Variants in HPSE2 observed in about 807,000 individuals in gnomAD.
HPSE2 encodes the protein heparanase 2 (inactive).
Under a neutral mutation model 60.5 loss-of-function variants are expected in HPSE2, and 38 were observed. The ratio of observed to expected loss-of-function variants is 0.63; its 90% CI spans 0.48 to 0.82. The LOEUF is 0.82. HPSE2 is among the 40% of genes least tolerant of loss of function. The probability of loss-of-function intolerance (pLI) is 0.00; values close to 1 mark genes in which losing one functional copy is unlikely to be tolerated. For synonymous variants in HPSE2, 295 were observed against 293.2 expected (o/e 1.01, Z -0.06); for missense variants, 713 against 740.4 (o/e 0.96, Z 0.43).
At chr10:98,483,709 T>C (rs1941334590) in intron 10 of HPSE2, among the ~76,000 whole-genome samples, 1 of 152,238 alleles carries the variant, frequency 6.6e-6, no homozygotes, top group Admixed American at 6.5e-5. Context: ...TTGCCATGTT[T>C]CATTTCCCTC....
At chr10:98,674,176 C>A (rs531958894) in intron 6 of HPSE2, among the ~76,000 whole-genome samples, 4 of 152,280 alleles carry the variant, frequency 2.6e-5, no homozygotes, top group East Asian at 1.9e-4. Flanking sequence ...TTATTTCTTA[C>A]CTTTTATTTT....
intron 3 of HPSE2, among the ~76,000 whole-genome samples, chr10:99,054,339 C>A (rs1035782418): frequency 1.3e-5 from 2 of 152,076 alleles, no homozygotes; most frequent in Non-Finnish European, 2.9e-5. Context: ...CAGAACAGAG[C>A]GATCTTGTTA....
At chr10:98,895,470 C>T (rs1953460420) in intron 3 of HPSE2, among the ~76,000 whole-genome samples, 1 of 152,104 alleles carries the variant, frequency 6.6e-6, no homozygotes. Context: ...CTCATCAGGT[C>T]TCTGTGTAAA....
chr10:98,815,230 C>T (rs536762832), intron 3 of HPSE2, among the ~76,000 whole-genome samples: 4 of 152,114 alleles, frequency 2.6e-5, no homozygotes, highest in Non-Finnish European at 5.9e-5. Context: ...TGCAGCGAGC[C>T]ATGATGGCAC....
At chr10:99,132,304 CAT>C (rs1845474335) in intron 3 of HPSE2, among the ~76,000 whole-genome samples, 1 of 151,046 alleles carries the variant, frequency 6.6e-6, no homozygotes, top group Admixed American at 6.6e-5. Flanking sequence ...AGAATTTATG[CAT>C]GTAACCAAAA....
chr10:98,730,959 C>G (rs558201407), intron 4 of HPSE2, among the ~76,000 whole-genome samples: 1 of 152,096 alleles, frequency 6.6e-6, no homozygotes, highest in Non-Finnish European at 1.5e-5. Flanking sequence ...TGTTATGAGG[C>G]CAATATTGCC....
chr10:98,867,348 A>T (rs748971794), intron 3 of HPSE2, among the ~76,000 whole-genome samples: 9 of 152,166 alleles, frequency 5.9e-5, no homozygotes, highest in Non-Finnish European at 1.0e-4. Flanking sequence ...ATTTGAATAG[A>T]CATTTCTGAA....
chr10:99,259,855 T>C, the HPSE2 span, among the ~76,000 whole-genome samples: 3 of 152,132 alleles, frequency 2.0e-5, no homozygotes, highest in Non-Finnish European at 2.9e-5. Flanking sequence ...CTAAACCCTA[T>C]TGTGAACTGT....
In HPSE2 at chr10:98,719,718, A is replaced by G. The variant is rs867795061; in HGVS notation, c.956+1939T>C. Among the ~76,000 whole-genome samples the G allele has an allele frequency of 1.9e-3, 284 of 148,860 alleles. 1 individual carries two copies. Among genetic ancestry groups the G allele is most frequent in the East Asian group, 3.7e-3 (19 of 5,106 alleles). On this transcript the variant is annotated intron_variant, in intron 5 of 11. Transcript: ENST00000370552. ...TGTTGCATTAAAAAAAAAAAAAAAA[A>G]AAGAAGAAGAAAAAAAACTATTCTG... is the stretch of plus-strand genomic sequence containing the variant.
chr10:99,290,114 A>G, the HPSE2 span, among the ~76,000 whole-genome samples: 1 of 152,192 alleles, frequency 6.6e-6, no homozygotes, highest in Non-Finnish European at 1.5e-5. Context: ...AATTATGAAA[A>G]TATATTTGAT....
At chr10:98,950,039 T>C (rs1004943927) in intron 3 of HPSE2, among the ~76,000 whole-genome samples, 1 of 152,200 alleles carries the variant, frequency 6.6e-6, no homozygotes, top group African/African-American at 2.4e-5. Flanking sequence ...CTAGTGTTTT[T>C]ATTTTTTCTT....
chr10:98,681,019 C>A (rs1052967650), intron 6 of HPSE2, among the ~76,000 whole-genome samples: 4 of 151,976 alleles, frequency 2.6e-5, no homozygotes, highest in African/African-American at 9.7e-5. Context: ...CCACCTCAGC[C>A]TTCCAAAGTG....
chr10:98,693,497 C>T (rs545329033), intron 6 of HPSE2, among the ~76,000 whole-genome samples: 53 of 152,184 alleles, frequency 3.5e-4, no homozygotes, highest in Non-Finnish European at 6.9e-4. Flanking sequence ...ATTAATATAA[C>T]AAAATGTTTC....
At chr10:99,166,278 G>A (rs951988815) in intron 2 of HPSE2, among the ~76,000 whole-genome samples, 19 of 152,284 alleles carry the variant, frequency 1.2e-4, no homozygotes, top group African/African-American at 4.3e-4. Context: ...TCATATACAA[G>A]TTTTCCTGTG....
chr10:99,078,914 T>G lies in HPSE2; in HGVS notation c.610+65324A>C, dbSNP rs536079545. 6.0e-4 allele frequency among the ~76,000 whole-genome samples: 91 copies of G among 152,284 alleles called. 1 individual carries two copies. The highest frequency in any genetic ancestry group is 2.0e-3 in the African/African-American group (83 of 41,560). On this transcript the variant is annotated intron_variant, in intron 3 of 11. Coordinates refer to ENST00000370552, the MANE Select transcript of HPSE2 (RefSeq NM_021828.5). ...CTGCTTTCTTTGCTCTTAGCCACCC[T>G]TAGGCATCAAGATTATGCTGGGTCC...
intron 3 of HPSE2, among the ~76,000 whole-genome samples, chr10:99,109,670 C>CA (rs1360338401): frequency 1.3e-5 from 2 of 152,112 alleles, no homozygotes; most frequent in African/African-American, 4.8e-5. Flanking sequence ...GCTTTGGCTA[C>CA]AAAATCAATG....
At chr10:99,264,535 A>G in the HPSE2 span, among the ~76,000 whole-genome samples, 4 of 152,140 alleles carry the variant, frequency 2.6e-5, no homozygotes, top group African/African-American at 9.7e-5. Context: ...TTTTACCTAA[A>G]TGAATCTGGC....
At chr10:98,504,888 C>A (rs1166684536) in intron 9 of HPSE2, among the ~76,000 whole-genome samples, 1 of 151,840 alleles carries the variant, frequency 6.6e-6, no homozygotes, top group African/African-American at 2.4e-5. Context: ...TATTTTACAG[C>A]TTTATCCACA....
intron 7 of HPSE2, among the ~76,000 whole-genome samples, chr10:98,626,508 C>A (rs1430127708): frequency 6.6e-6 from 1 of 152,152 alleles, no homozygotes; most frequent in Non-Finnish European, 1.5e-5. Flanking sequence ...GTTACCATTC[C>A]ATTGCAGGGC....
Sources: allele counts gnomAD v4.1 joint callset (sites outside exome capture counted in the v4.1 genomes callset), GRCh38; gene constraint gnomAD v4.1.1; transcripts MANE v1.5; gene names NCBI Gene and HGNC (gene_info 2026-07-23, HGNC 2026-07-21).